The following FARS2 variants were observed in gnomAD, a reference collection of about 807,000 sequenced individuals.
FARS2 encodes the protein phenylalanyl-tRNA synthetase 2, mitochondrial.
FARS2 carries 40 observed loss-of-function variants against 46.4 expected under a neutral mutation model. The ratio of observed to expected loss-of-function variants is 0.86; its 90% CI spans 0.67 to 1.12. The LOEUF (loss-of-function observed/expected upper bound fraction) is 1.12, where lower values mean the gene tolerates loss of function less well. FARS2 is among the 50% of genes most tolerant of loss of function. The pLI is 0.00. For missense variants in FARS2, 513 were observed against 567.9 expected (o/e 0.90, Z 0.98); for synonymous variants, 234 against 214.9 (o/e 1.09, Z -0.78).
At chr6:5,762,478 G>A (rs1218648671) in intron 6 of FARS2, among the ~76,000 whole-genome samples, 2 of 152,278 alleles carry the variant, frequency 1.3e-5, no homozygotes, top group Admixed American at 6.5e-5. Flanking sequence ...GCCACATCCC[G>A]CAGGAGGTGC....
At chr6:5,689,795 G>A (rs7742697) in intron 6 of FARS2, among the ~76,000 whole-genome samples, 60,615 of 151,946 alleles carry the variant, frequency 0.4, 12,711 homozygotes, top group East Asian at 0.68. Flanking sequence ...TGTTGACCGT[G>A]GGGTGTTAAA....
At chr6:5,488,994 C>T (rs1766941823) in intron 4 of FARS2, among the ~76,000 whole-genome samples, 1 of 152,230 alleles carries the variant, frequency 6.6e-6, no homozygotes, top group East Asian at 1.9e-4. Context: ...CAAAATTCTA[C>T]CTTTCTGGAG....
At chr6:5,549,951 C>T (rs2150512702) in intron 5 of FARS2, among the ~76,000 whole-genome samples, 1 of 152,270 alleles carries the variant, frequency 6.6e-6, no homozygotes, top group East Asian at 1.9e-4. Context: ...GCCCCTAAGT[C>T]CCATTTCATC....
chr6:5,555,378 A>T (rs1771600457), intron 5 of FARS2, among the ~76,000 whole-genome samples: 1 of 152,114 alleles, frequency 6.6e-6, no homozygotes, highest in African/African-American at 2.4e-5. Flanking sequence ...GTCGAATTTC[A>T]CTGATACTGA....
chr6:5,390,644 G>C (rs1429565645), intron 2 of FARS2, among the ~76,000 whole-genome samples: 2 of 152,184 alleles, frequency 1.3e-5, no homozygotes, highest in African/African-American at 2.4e-5. Context: ...TATTTGGTCA[G>C]TTCTCAAACA....
rs189093629 is a variant in FARS2, at chr6:5,711,285, G to A, written c.1218-60006G>A. On this transcript the variant is annotated intron_variant, in intron 6 of 6. Transcript: ENST00000274680. ...CGATTATACCAATATAAATGAATGC[G>A]GGATGGATGAATGAATGAATGAATG... 1.1e-3 allele frequency among the ~76,000 whole-genome samples: 141 copies of A among 133,196 alleles called. 5 individuals carry two copies. In the East Asian group the frequency reaches 0.02, roughly 19 times the overall value. The allele number at this position is 133,196 out of a possible 152,430, so 87.4% of individuals were successfully genotyped here.
At position 5,697,314 on chromosome 6, in the gene FARS2, G is replaced by A. The variant is rs115288678; in HGVS notation, c.1218-73977G>A. On this transcript the variant is annotated intron_variant, in intron 6 of 6. Coordinates refer to ENST00000274680, the MANE Select transcript of FARS2 (RefSeq NM_006567.5). ...ATATAAGAGGTGAAGGAAACAGACC[G>A]ATGGCTGGAGAATTTGACAACGTAT... 5.2e-3 allele frequency among the ~76,000 whole-genome samples: 792 copies of A among 152,306 alleles called. 12 individuals carry two copies. Among genetic ancestry groups the A allele is most frequent in the African/African-American group, 0.017 (727 of 41,578 alleles).
chr6:5,276,499 A>G (rs1310274527), intron 1 of FARS2, among the ~76,000 whole-genome samples: 2 of 152,204 alleles, frequency 1.3e-5, no homozygotes, highest in Admixed American at 6.5e-5. Flanking sequence ...ACATATGGTC[A>G]CTCTATTTGA....
chr6:5,601,814 T>C (rs1428247609), intron 5 of FARS2, among the ~76,000 whole-genome samples: 1 of 152,088 alleles, frequency 6.6e-6, no homozygotes, highest in Non-Finnish European at 1.5e-5. Context: ...ACGGTGACCA[T>C]TGGTAATCAT....
intron 1 of FARS2, among the ~76,000 whole-genome samples, chr6:5,296,738 A>G (rs1370378459): frequency 6.6e-6 from 1 of 152,158 alleles, no homozygotes; most frequent in African/African-American, 2.4e-5. Flanking sequence ...TCCATGTCGT[A>G]TCATGTGCCA....
At chr6:5,389,496 G>A (rs1895646) in intron 2 of FARS2, among the ~76,000 whole-genome samples, 62,842 of 152,076 alleles carry the variant, frequency 0.41, 15,165 homozygotes, top group African/African-American at 0.65. Context: ...ATTCTCTTGG[G>A]TCATCTCTTC....
chr6:5,438,457 G>A (rs1290978751), intron 4 of FARS2, among the ~76,000 whole-genome samples: 1 of 149,732 alleles, frequency 6.7e-6, no homozygotes, highest in Non-Finnish European at 1.5e-5. Context: ...TTTGTTCTCT[G>A]TCATCTCCAT....
At chr6:5,258,219 T>C (rs1056112424), upstream of FARS2, among the ~76,000 whole-genome samples, 1 of 152,216 alleles carries the variant, frequency 6.6e-6, no homozygotes, top group Admixed American at 6.5e-5. Context: ...AAACGTGGCC[T>C]ATATTATAGG....
intron 1 of FARS2, among the ~76,000 whole-genome samples, chr6:5,273,795 A>G (rs912440374): frequency 1.3e-5 from 2 of 152,172 alleles, no homozygotes; most frequent in Admixed American, 1.3e-4. Context: ...TAGTAGTTTC[A>G]TAGTTTCAGG....
chr6:5,503,635 C>T (rs1376103118), intron 4 of FARS2, among the ~76,000 whole-genome samples: 1 of 151,924 alleles, frequency 6.6e-6, no homozygotes, highest in Non-Finnish European at 1.5e-5. Flanking sequence ...ATAGAATGTA[C>T]ATATAATTGA....
At chr6:5,726,615 A>C (rs1032139268) in intron 6 of FARS2, among the ~76,000 whole-genome samples, 1 of 152,220 alleles carries the variant, frequency 6.6e-6, no homozygotes, top group Admixed American at 6.5e-5. Flanking sequence ...AAGTAGAAAA[A>C]GTAAAGGAGG....
chr6:5,617,673 A>G (rs1260460666), intron 6 of FARS2, among the ~76,000 whole-genome samples: 1 of 152,224 alleles, frequency 6.6e-6, no homozygotes, highest in Non-Finnish European at 1.5e-5. Context: ...CTGCTACTTC[A>G]TTGTGACTGT....
intron 1 of FARS2, among the ~76,000 whole-genome samples, chr6:5,306,080 C>T (rs1474457745): frequency 6.6e-6 from 1 of 152,118 alleles, no homozygotes; most frequent in African/African-American, 2.4e-5. Flanking sequence ...CATTCTGATC[C>T]ATATGCCTAG....
chr6:5,600,254 G>A (rs368220160), intron 5 of FARS2, among the ~76,000 whole-genome samples: 1 of 152,272 alleles, frequency 6.6e-6, no homozygotes, highest in East Asian at 1.9e-4. Context: ...CAGAAATTCT[G>A]TCAAAAGTTA....
Sources: allele counts gnomAD v4.1 joint callset (sites outside exome capture counted in the v4.1 genomes callset), GRCh38; gene constraint gnomAD v4.1.1; transcripts MANE v1.5; gene names NCBI Gene and HGNC (gene_info 2026-07-23, HGNC 2026-07-21).